Variants in PLAA observed in about 807,000 individuals in gnomAD.
PLAA encodes the protein phospholipase A2 activating protein.
In PLAA, 48 loss-of-function variants were observed where a neutral mutation model predicts 84.1. The observed-to-expected ratio is 0.57, with a 90% CI of 0.45 to 0.73. The LOEUF (loss-of-function observed/expected upper bound fraction) is 0.73, where lower values mean the gene tolerates loss of function less well. Ranked by LOEUF, PLAA falls within the 30% of genes least tolerant of loss-of-function variation. The pLI is 0.00. For synonymous variants in PLAA, 392 were observed against 336.6 expected (o/e 1.16, Z -1.80); for missense variants, 903 against 954.7 (o/e 0.95, Z 0.71).
chr9:26,946,953 C>G lies in PLAA; in HGVS notation c.93G>C (p.Pro31=). Residue 31 remains proline (P), a synonymous_variant, in exon 1 of 14, where the codon CCG becomes CCC. Transcript: ENST00000397292. ...VRGLVCCAYP[P]GAFVSVSRDR... ...CTCGGGACACGGACACAAAGGCTCC[C>G]GGCGGATAGGCGCAGCACACCAGGC... 1 of 1,588,992 alleles carries G rather than the reference C, an allele frequency of 6.3e-7. No homozygotes were observed. Among genetic ancestry groups the G allele is most frequent in the South Asian group, 1.1e-5 (1 of 87,466 alleles).
At chr9:26,938,043 A>C (rs1331111109) in intron 1 of PLAA, among the ~76,000 whole-genome samples, 1 of 152,222 alleles carries the variant, frequency 6.6e-6, no homozygotes, top group Non-Finnish European at 1.5e-5. Context: ...AAACATCCAA[A>C]GAAACTCAAC....
intron 4 of PLAA, 73 bp downstream of exon 4, chr9:26,928,026 GT>G: frequency 2.0e-6 from 3 of 1,467,438 alleles, no homozygotes; most frequent in Non-Finnish European, 2.8e-6. Context: ...TTTCATGCTT[GT>G]AAACTTCTGA....
intron 2 of PLAA, 92 bp downstream of exon 2, chr9:26,934,921 A>T: frequency 1.0e-6 from 1 of 972,266 alleles, no homozygotes; most frequent in Non-Finnish European, 1.5e-6. Flanking sequence ...AAAACAAAAT[A>T]TAATAAAAAC....
intron 5 of PLAA, among the ~76,000 whole-genome samples, 171 bp downstream of exon 5, chr9:26,926,222 A>G (rs911871560): frequency 1.3e-5 from 2 of 152,218 alleles, no homozygotes; most frequent in African/African-American, 4.8e-5. Context: ...AGATGGCCAT[A>G]CAATTTTCTT....
chr9:26,907,968 G>A lies in PLAA; in HGVS notation c.1688C>T (p.Pro563Leu), dbSNP rs777208863. Reference protein sequence around the residue: ...GKLKELNGTAPEEKKLTEDDL... With the variant: ...GKLKELNGTALEEKKLTEDDL... ...ATCCTCAGTTAACTTCTTCTCTTCAGGTGCAGTTCCATTAAGTTCCTTCAG... is the reference window on the plus strand; with the variant it reads ...ATCCTCAGTTAACTTCTTCTCTTCAAGTGCAGTTCCATTAAGTTCCTTCAG... The change falls in exon 13 of 14, where the codon CCT (proline) becomes CTT (leucine). Residue 563 changes from proline (P) to leucine (L), a missense_variant. By Grantham distance (98) the Pro-to-Leu change is moderately conservative. Transcript: ENST00000397292. 2.5e-6 allele frequency: 4 copies of A among 1,597,966 alleles called. No individual in the cohort carries two copies. Among genetic ancestry groups the A allele is most frequent in the African/African-American group, 1.4e-5 (1 of 73,592 alleles).
intron 2 of PLAA, among the ~76,000 whole-genome samples, chr9:26,931,747 T>C (rs763001948): frequency 2.5e-4 from 38 of 152,132 alleles, no homozygotes; most frequent in Non-Finnish European, 4.9e-4. Context: ...AACTGACAGA[T>C]TGAAAGATGT....
intron 1 of PLAA, among the ~76,000 whole-genome samples, chr9:26,935,652 A>C (rs1022234611): frequency 6.6e-6 from 1 of 152,158 alleles, no homozygotes; most frequent in African/African-American, 2.4e-5. Context: ...CTTAGAGCCC[A>C]GTAGTATAGT....
intron 13 of PLAA, among the ~76,000 whole-genome samples, chr9:26,906,305 A>T (rs987926046): frequency 1.3e-5 from 2 of 152,188 alleles, no homozygotes; most frequent in Non-Finnish European, 2.9e-5. Context: ...TTTAAAAATA[A>T]GGTAACTCTC....
chr9:26,937,547 C>CTATT (rs1825399910), intron 1 of PLAA, among the ~76,000 whole-genome samples: 2 of 152,160 alleles, frequency 1.3e-5, no homozygotes, highest in South Asian at 4.2e-4. Context: ...AAAATTAAGT[C>CTATT]AATAGACACT....
At chr9:26,931,437 G>C (rs1825182391) in intron 2 of PLAA, among the ~76,000 whole-genome samples, 1 of 152,132 alleles carries the variant, frequency 6.6e-6, no homozygotes, top group South Asian at 2.1e-4. Flanking sequence ...AGGCTGATGG[G>C]AACTTTATAA....
chr9:26,928,513 G>A (rs1467742780), intron 2 of PLAA, 105 bp from the exon 3 acceptor site: 1 of 787,800 alleles, frequency 1.3e-6, no homozygotes, highest in Admixed American at 2.0e-5. Flanking sequence ...TGAAGTGGCA[G>A]TATCTTAGCT....
chr9:26,914,608 A>T (rs1002221587), intron 10 of PLAA, among the ~76,000 whole-genome samples: 2 of 152,226 alleles, frequency 1.3e-5, no homozygotes, highest in African/African-American at 4.8e-5. Flanking sequence ...ATTAATTAAA[A>T]TAATGAGAAA....
At chr9:26,909,132 C>T (rs1250540207) in intron 12 of PLAA, among the ~76,000 whole-genome samples, 2 of 152,028 alleles carry the variant, frequency 1.3e-5, no homozygotes, top group Non-Finnish European at 2.9e-5. Context: ...CTTTAAAAAT[C>T]TTTATCTCAA....
chr9:26,939,114 C>A lies in PLAA; in HGVS notation c.150-3908G>T, dbSNP rs143899432. Among the ~76,000 whole-genome samples the A allele has an allele frequency of 5.0e-3, 764 of 152,264 alleles. 7 individuals are homozygous for A. Among genetic ancestry groups the A allele is most frequent in the African/African-American group, 0.018 (728 of 41,534 alleles). ...TTAAACATAAATAAACTAGGCCGGG[C>A]GCCGTGGCTCACGCCTGTAATCCCA... is the stretch of plus-strand genomic sequence containing the variant. On this transcript the variant is annotated intron_variant, in intron 1 of 13. Transcript: ENST00000397292.
chr9:26,928,833 A>G (rs1301132543), intron 2 of PLAA, among the ~76,000 whole-genome samples: 1 of 152,248 alleles, frequency 6.6e-6, no homozygotes, highest in African/African-American at 2.4e-5. Flanking sequence ...CTCAATGTCC[A>G]AAAGTAATGA....
intron 2 of PLAA, among the ~76,000 whole-genome samples, chr9:26,931,505 T>C (rs1825184582): frequency 6.6e-6 from 1 of 152,162 alleles, no homozygotes; most frequent in South Asian, 2.1e-4. Flanking sequence ...CAAAAAGATA[T>C]TGTGTGCTTC....
intron 4 of PLAA, 41 bp from the exon 5 acceptor site, chr9:26,926,601 A>C: frequency 6.9e-7 from 1 of 1,457,656 alleles, no homozygotes; most frequent in Non-Finnish European, 9.5e-7. Context: ...AAAACTGATA[A>C]TTTGGCTGAT....
In PLAA at chr9:26,905,699, C is replaced by G; in HGVS notation, c.2200G>C (p.Glu734Gln). The change falls in exon 14 of 14, where the codon GAA becomes CAA. Residue 734 changes from glutamate to glutamine, a missense_variant. By Grantham distance (29) the Glu-to-Gln change is conservative (BLOSUM62 2). Transcript: ENST00000397292. ...GTGGCTTCTAGGTCTTGTACTACTT[C>G]CAAGATTGTGCTAATTAGTGACAAA... ...QCLSLISTIL[E>Q]VVQDLEATFR... 1 of 1,614,152 alleles carries G rather than the reference C, an allele frequency of 6.2e-7. No individual in the cohort carries two copies. Among genetic ancestry groups the G allele is most frequent in the African/African-American group, 1.3e-5 (1 of 75,068 alleles).
At chr9:26,943,140 A>T (rs1037015702) in intron 1 of PLAA, among the ~76,000 whole-genome samples, 22 of 152,180 alleles carry the variant, frequency 1.4e-4, no homozygotes, top group African/African-American at 5.3e-4. Context: ...CCCAGAAGTC[A>T]ACGACAGACT....
Sources: gnomAD v4.1 joint callset for allele counts (sites outside exome capture counted in the v4.1 genomes callset) on GRCh38, gnomAD v4.1.1 for gene constraint, MANE v1.5 for transcripts, NCBI Gene and HGNC (gene_info 2026-07-23, HGNC 2026-07-21) for gene names.